The following CD1B variants were observed in gnomAD, a reference collection of about 807,000 sequenced individuals.
CD1B encodes CD1b molecule.
A neutral mutation model predicts 39.8 loss-of-function variants in CD1B; 43 were observed. The observed-to-expected ratio is 1.08, with a 90% CI of 0.85 to 1.39. The LOEUF (loss-of-function observed/expected upper bound fraction) is 1.39. Ranked by LOEUF, CD1B falls within the 40% of genes most tolerant of loss-of-function variation. The pLI is 0.00. For missense variants in CD1B, 495 were observed against 403.8 expected, an observed-to-expected ratio of 1.23 and a Z score of -1.94; for synonymous variants, 192 against 152.5, an observed-to-expected ratio of 1.26 and a Z score of -1.91.
the CD1B span, among the ~76,000 whole-genome samples, chr1:158,304,275 G>C: frequency 6.6e-6 from 1 of 152,110 alleles, no homozygotes; most frequent in Non-Finnish European, 1.5e-5. Context: ...CTTAGCAAAG[G>C]GCACACAAGG....
the CD1B span, among the ~76,000 whole-genome samples, chr1:158,305,154 G>T: frequency 1.3e-5 from 2 of 152,074 alleles, no homozygotes; most frequent in African/African-American, 4.8e-5. Context: ...AAAAGAGGAA[G>T]TTCGAACTCA....
chr1:158,292,445 C>A, the CD1B span: 2 of 1,516,312 alleles, frequency 1.3e-6, no homozygotes, highest in Admixed American at 1.9e-5. Flanking sequence ...AAACTCAGGA[C>A]AAGAAAGAGG....
In CD1B at chr1:158,331,491, C is replaced by T; in HGVS notation, c.-68G>A. On this transcript the variant is annotated 5_prime_UTR_variant, in exon 1 of 6. Coordinates refer to ENST00000368168, the MANE Select transcript of CD1B (RefSeq NM_001764.3). Reference sequence around the variant, plus strand: ...GATCTCCAATTTCAGCAAAGCTTTTCCTCAGTACCCTGTAGTGACTTCTTC... The same window carrying T: ...GATCTCCAATTTCAGCAAAGCTTTTTCTCAGTACCCTGTAGTGACTTCTTC... 7.9e-7 allele frequency: 1 copy of T among 1,267,442 alleles called. No homozygotes were observed. The highest frequency in any genetic ancestry group is 1.1e-6 in the Non-Finnish European group (1 of 873,386). 78.5% of individuals were successfully genotyped at this position (1,267,442 alleles called of 1,614,324 possible). A position where few individuals can be genotyped will look rare whatever the true frequency, so the allele number is the denominator to read the frequency against.
chr1:158,305,704 G>A, the CD1B span, among the ~76,000 whole-genome samples: 1 of 152,228 alleles, frequency 6.6e-6, no homozygotes, highest in African/African-American at 2.4e-5. Context: ...ACCCACAAAG[G>A]GAAGCCCATC....
the CD1B span, among the ~76,000 whole-genome samples, chr1:158,313,017 G>T: frequency 2.0e-5 from 3 of 152,072 alleles, no homozygotes; most frequent in Non-Finnish European, 4.4e-5. Context: ...GTTTAGGTAC[G>T]TTCCTTATAT....
chr1:158,323,310 G>T (rs1652250232), downstream of CD1B, among the ~76,000 whole-genome samples: 1 of 149,788 alleles, frequency 6.7e-6, no homozygotes. Context: ...TTCATTAATT[G>T]TATCTTTTAG....
At chr1:158,328,898 A>C (rs769630277) in intron 5 of CD1B, 23 bp downstream of exon 5, 20 of 1,541,202 alleles carry the variant, frequency 1.3e-5, no homozygotes, top group Non-Finnish European at 1.6e-5. Context: ...TTAAAAAAAA[A>C]AACAACACCA....
chr1:158,290,842 C>G, the CD1B span, among the ~76,000 whole-genome samples: 1 of 152,128 alleles, frequency 6.6e-6, no homozygotes, highest in Non-Finnish European at 1.5e-5. Context: ...GTATGAACAT[C>G]TCTGTCAGCT....
At chr1:158,286,154 G>A in the CD1B span, among the ~76,000 whole-genome samples, 1 of 152,138 alleles carries the variant, frequency 6.6e-6, no homozygotes, top group East Asian at 1.9e-4. Flanking sequence ...GGAAGTTGGG[G>A]AAGGACAGGA....
the CD1B span, among the ~76,000 whole-genome samples, chr1:158,317,680 T>G: frequency 6.6e-6 from 1 of 152,318 alleles, no homozygotes; most frequent in East Asian, 1.9e-4. Flanking sequence ...TGCTCTGATT[T>G]TAGTTATCTC....
chr1:158,291,906 G>A, the CD1B span, among the ~76,000 whole-genome samples: 2 of 151,636 alleles, frequency 1.3e-5, no homozygotes, highest in African/African-American at 4.9e-5. Flanking sequence ...ATCTCTTATT[G>A]TCCCCTTCCC....
At chr1:158,319,272 TCCATTCTCC>T in the CD1B span, among the ~76,000 whole-genome samples, 1 of 151,994 alleles carries the variant, frequency 6.6e-6, no homozygotes, top group African/African-American at 2.4e-5. Flanking sequence ...CCAACTTGGT[TCCATTCTCC>T]CCGTCACTTT....
the CD1B span, among the ~76,000 whole-genome samples, chr1:158,311,774 C>T: frequency 6.6e-6 from 1 of 151,958 alleles, no homozygotes; most frequent in Non-Finnish European, 1.5e-5. Context: ...CAATGTGTGT[C>T]TTGGCACTTT....
At chr1:158,320,594 T>G in the CD1B span, among the ~76,000 whole-genome samples, 16 of 152,116 alleles carry the variant, frequency 1.1e-4, no homozygotes, top group Admixed American at 2.6e-4. Context: ...GTACCTCAGA[T>G]GGAAATGCAG....
the CD1B span, among the ~76,000 whole-genome samples, chr1:158,319,781 C>T: frequency 2.0e-5 from 3 of 152,174 alleles, no homozygotes; most frequent in African/African-American, 4.8e-5. Flanking sequence ...GTTTTTTCCC[C>T]ATCTTTGTGG....
the CD1B span, among the ~76,000 whole-genome samples, chr1:158,315,270 T>C: frequency 9.9e-5 from 15 of 152,210 alleles, no homozygotes; most frequent in Admixed American, 2.0e-4. Flanking sequence ...TACAGTCCCA[T>C]CAACAGTGTA....
chr1:158,316,032 C>A, the CD1B span, among the ~76,000 whole-genome samples: 65 of 151,884 alleles, frequency 4.3e-4, no homozygotes, highest in Non-Finnish European at 7.4e-4. Flanking sequence ...TGTTTTGGTT[C>A]CAGTACCATG....
intron 1 of CD1B, 41 bp from the exon 2 acceptor site, chr1:158,331,103 G>A (rs1335383348): frequency 1.9e-5 from 30 of 1,544,630 alleles, no homozygotes; most frequent in Non-Finnish European, 2.6e-5. Context: ...GATAAAGAGA[G>A]AAGCAGGAGA....
chr1:158,291,003 G>T, the CD1B span: 332 of 974,670 alleles, frequency 3.4e-4, 1 homozygote, highest in African/African-American at 4.2e-3. Flanking sequence ...TCTGTGTAAG[G>T]AAAATGGTAT....
Sources: gnomAD v4.1 joint callset for allele counts (sites outside exome capture counted in the v4.1 genomes callset) on GRCh38, gnomAD v4.1.1 for gene constraint, MANE v1.5 for transcripts, NCBI Gene and HGNC (gene_info 2026-07-23, HGNC 2026-07-21) for gene names.